COL22A1: variants seen among roughly 807,000 people sequenced by gnomAD.
COL22A1 encodes the protein collagen alpha-1(XXII) chain.
Under a neutral mutation model 248.9 loss-of-function variants are expected in COL22A1, and 221 were observed. The observed-to-expected ratio is 0.89, with a 90% CI of 0.80 to 0.99. The LOEUF is 0.99. COL22A1 is among the 50% of genes least tolerant of loss of function. The probability of loss-of-function intolerance (pLI) is 0.00; values close to 1 mark genes in which losing one functional copy is unlikely to be tolerated. For missense variants in COL22A1, 2,240 were observed against 2,179.0 expected (o/e 1.03, Z -0.56); for synonymous variants, 891 against 793.4 (o/e 1.12, Z -2.07).
intron 3 of COL22A1, among the ~76,000 whole-genome samples, chr8:138,865,166 C>G (rs962624565): frequency 6.6e-6 from 1 of 152,132 alleles, no homozygotes; most frequent in Non-Finnish European, 1.5e-5. Context: ...AAAATGCAGA[C>G]AGAGTTTTAA....
intron 24 of COL22A1, 85 bp downstream of exon 24, chr8:138,725,302 G>A (rs879188607): frequency 9.0e-6 from 12 of 1,337,438 alleles, no homozygotes; most frequent in Admixed American, 8.4e-5. Flanking sequence ...AAAGACAAGA[G>A]GCCATTCACA....
At chr8:138,613,015 G>A (rs530379502) in intron 56 of COL22A1, among the ~76,000 whole-genome samples, 10 of 151,466 alleles carry the variant, frequency 6.6e-5, no homozygotes, top group African/African-American at 1.7e-4. Flanking sequence ...TTGGGAGGGC[G>A]AGGCGGGCAG....
At chr8:138,591,344 T>C in intron 64 of COL22A1, 80 bp downstream of exon 64, 1 of 1,018,338 alleles carries the variant, frequency 9.8e-7, no homozygotes, top group Non-Finnish European at 1.4e-6. Context: ...CACTGCTGAG[T>C]CCTGTGGGGC....
intron 1 of COL22A1, among the ~76,000 whole-genome samples, chr8:138,891,044 C>CAG (rs1179615137): frequency 1.3e-5 from 2 of 151,848 alleles, no homozygotes; most frequent in Non-Finnish European, 2.9e-5. Context: ...TTGTTGTGTT[C>CAG]CTGTACACCA....
At chr8:138,837,630 C>A (rs1820535617) in intron 4 of COL22A1, among the ~76,000 whole-genome samples, 1 of 152,176 alleles carries the variant, frequency 6.6e-6, no homozygotes, top group African/African-American at 2.4e-5. Context: ...CACCGGGCTG[C>A]CCCTGTATTG....
chr8:138,898,823 C>A (rs1191329695), intron 1 of COL22A1, among the ~76,000 whole-genome samples: 1 of 152,174 alleles, frequency 6.6e-6, no homozygotes, highest in Non-Finnish European at 1.5e-5. Context: ...TCCTTTCTCT[C>A]TTGCCTGGAG....
In COL22A1 at chr8:138,720,740, C is replaced by A; in HGVS notation, c.2354G>T (p.Arg785Leu). 1 of 1,613,446 alleles carries A rather than the reference C, an allele frequency of 6.2e-7. No individual in the cohort carries two copies. Among genetic ancestry groups the A allele is most frequent in the Non-Finnish European group, 8.5e-7 (1 of 1,179,406 alleles). ...EDGLPGKPGL[R>L]GEIGEQGLAG... ...GGGAAAAAGAGGCAAAGTCCATACC[C>A]GAAGGCCTGGTTTTCCAGGCAGACC... The change falls in exon 27 of 65, where the codon CGG (arginine) becomes CTG (leucine). Residue 785 changes from arginine to leucine, a missense_variant and splice_region_variant. Arg to Leu is a moderately radical substitution (Grantham distance 102). Coordinates refer to ENST00000303045, the MANE Select transcript of COL22A1 (RefSeq NM_152888.3).
chr8:138,699,749 A>G (rs4454319), intron 32 of COL22A1, among the ~76,000 whole-genome samples: 138,102 of 152,238 alleles, frequency 0.91, 62,674 homozygotes, highest in Admixed American at 0.94. Context: ...CATGGGGAAC[A>G]TCTTTGCCTC....
At chr8:138,692,127 TAC>T (rs1827048828) in intron 35 of COL22A1, among the ~76,000 whole-genome samples, 1 of 124,340 alleles carries the variant, frequency 8.0e-6, no homozygotes, top group African/African-American at 3.1e-5. Context: ...TGTATGTGTG[TAC>T]GTGTGTGCAT....
At chr8:138,843,605 T>C (rs1256591523) in intron 4 of COL22A1, among the ~76,000 whole-genome samples, 1 of 152,218 alleles carries the variant, frequency 6.6e-6, no homozygotes, top group African/African-American at 2.4e-5. Flanking sequence ...TATTCTGTCA[T>C]ATGCCTGACA....
chr8:138,887,379 AC>A (rs1824746552), intron 1 of COL22A1, among the ~76,000 whole-genome samples: 1 of 151,964 alleles, frequency 6.6e-6, no homozygotes, highest in Non-Finnish European at 1.5e-5. Context: ...GTCTGCCACC[AC>A]ACCTAATTTT....
intron 2 of COL22A1, among the ~76,000 whole-genome samples, chr8:138,882,505 G>A (rs1254074332): frequency 1.5e-5 from 2 of 133,060 alleles, no homozygotes; most frequent in African/African-American, 5.9e-5. Context: ...CACACACTTC[G>A]TCAAACACAC....
chr8:138,903,856 G>A (rs981403342), intron 1 of COL22A1, among the ~76,000 whole-genome samples: 6 of 152,112 alleles, frequency 3.9e-5, no homozygotes, highest in African/African-American at 1.2e-4. Flanking sequence ...GGGTTTCTGG[G>A]TAAAGAGGCG....
At chr8:138,621,617 T>G (rs1819807440) in intron 52 of COL22A1, among the ~76,000 whole-genome samples, 1 of 152,210 alleles carries the variant, frequency 6.6e-6, no homozygotes, top group South Asian at 2.1e-4. Flanking sequence ...GGGGTCAGCC[T>G]GCAGGAGTGT....
At chr8:138,743,303 T>G (rs1424397455) in intron 22 of COL22A1, among the ~76,000 whole-genome samples, 98 of 78,098 alleles carry the variant, frequency 1.3e-3, no homozygotes, top group Middle Eastern at 9.1e-3. Context: ...GGTGATGGTG[T>G]AGTTGATGAG....
intron 22 of COL22A1, among the ~76,000 whole-genome samples, chr8:138,737,852 T>C (rs951706960): frequency 1.3e-5 from 2 of 152,074 alleles, no homozygotes; most frequent in Non-Finnish European, 1.5e-5. Flanking sequence ...CAGAAAGGTA[T>C]ACCCAAGAAA....
At position 138,694,611 on chromosome 8, in the gene COL22A1, C is replaced by T. The variant is rs62527937; in HGVS notation, c.2647-50G>A. The T allele has an allele frequency of 1.7e-3, 2,773 of 1,592,948 alleles. 9 individuals are homozygous for T. The highest frequency in any genetic ancestry group is 2.2e-3 in the Admixed American group (134 of 59,590). ...ACCAGCTCATCCTCCTGGTTCTGAG[C>T]AGATGGGCGGATGGGGCGGGGACGT... On this transcript the variant is annotated intron_variant, in intron 33 of 64. Transcript: ENST00000303045.
Position 138,878,196 on chromosome 8 carries a change from C to T in COL22A1, c.212G>A (p.Gly71Asp), listed in dbSNP as rs1471447743. ...VANLVDTFEV[G>D]PDRTRVGVVR... ...GACCCCCACACGGGTGCGGTCGGGG[C>T]CCACCTCGAAGGTGTCCACCAGGTT... The change falls in exon 3 of 65, where the codon GGC becomes GAC. Residue 71 changes from glycine (G) to aspartate (D), a missense_variant. By Grantham distance (94) the Gly-to-Asp change is moderately conservative. Coordinates refer to ENST00000303045, the MANE Select transcript of COL22A1 (RefSeq NM_152888.3). The T allele has an allele frequency of 6.3e-7, 1 of 1,598,520 alleles. No homozygotes were observed. Among genetic ancestry groups the T allele is most frequent in the Non-Finnish European group, 8.5e-7 (1 of 1,173,334 alleles).
intron 52 of COL22A1, among the ~76,000 whole-genome samples, chr8:138,620,996 C>CCACCCAT (rs1819753424): frequency 1.9e-4 from 6 of 31,500 alleles, no homozygotes; most frequent in Middle Eastern, 0.024. Flanking sequence ...CATCCATCCA[C>CCACCCAT]CCATCCATCC....
Sources: gnomAD v4.1 joint callset for allele counts (sites outside exome capture counted in the v4.1 genomes callset) on GRCh38, gnomAD v4.1.1 for gene constraint, MANE v1.5 for transcripts, NCBI Gene and HGNC (gene_info 2026-07-23, HGNC 2026-07-21) for gene names.